CFTR: variants seen among roughly 807,000 people sequenced by gnomAD.
CFTR encodes the protein CF transmembrane conductance regulator.
In CFTR, 181 loss-of-function variants were observed where a neutral mutation model predicts 171.6. The observed-to-expected ratio is 1.05, with a 90% CI of 0.93 to 1.19. CFTR has a LOEUF of 1.19. Among genes scored for constraint, CFTR ranks in the 50% most tolerant of loss-of-function variants. The pLI is 0.00. For synonymous variants in CFTR, 583 were observed against 608.0 expected (o/e 0.96, Z 0.60); for missense variants, 1,968 against 1,734.7 (o/e 1.13, Z -2.39).
intron 10 of CFTR, among the ~76,000 whole-genome samples, chr7:117,550,659 CA>C (rs1301344807): frequency 4.1e-4 from 63 of 152,248 alleles, no homozygotes; most frequent in African/African-American, 1.5e-3. Context: ...CGTATGTCTT[CA>C]AGATCAATTC....
chr7:117,664,908 C>A lies in CFTR; in HGVS notation c.4136+48C>A, dbSNP rs372400240. ...CTTAATAGCACAGTGGGAACAGAAT[C>A]ATTATGCCTGCTTCATGGTGACACA... is the stretch of plus-strand genomic sequence containing the variant. On this transcript the variant is annotated intron_variant, in intron 25 of 26. Coordinates refer to ENST00000003084, the MANE Select transcript of CFTR (RefSeq NM_000492.4). 10 of 1,570,386 alleles carry A rather than the reference C, an allele frequency of 6.4e-6. No homozygotes were observed. The African/African-American group carries it at 1.2e-4, about 19-fold the overall frequency.
Position 117,530,818 on chromosome 7 carries a change from GA to G in CFTR, c.274-77del, listed in dbSNP as rs1798846671. 3.2e-6 allele frequency: 3 copies of G among 947,936 alleles called. No individual in the cohort carries two copies. The East Asian group carries it at 7.6e-5, about 24-fold the overall frequency. 58.7% of individuals were successfully genotyped at this position (947,936 alleles called of 1,614,324 possible). A position where few individuals can be genotyped will look rare whatever the true frequency, so the allele number is the denominator to read the frequency against. On this transcript the variant is annotated intron_variant, in intron 3 of 26. Coordinates refer to ENST00000003084, the MANE Select transcript of CFTR (RefSeq NM_000492.4). ...CTCATTTTAAGTCTCCTCTAAAGAT[GA>G]AAAGTCTTGTGTTGAAATTCTCAGG...
chr7:117,542,151 T>G (rs182952371), intron 9 of CFTR, 43 bp downstream of exon 9: 25 of 915,160 alleles, frequency 2.7e-5, no homozygotes, highest in Non-Finnish European at 4.6e-5. Flanking sequence ...CACCTAACTG[T>G]TTTCTTCTTT....
intron 7 of CFTR, among the ~76,000 whole-genome samples, chr7:117,537,837 G>A (rs1468339312): frequency 1.3e-5 from 2 of 152,072 alleles, no homozygotes; most frequent in Non-Finnish European, 2.9e-5. Flanking sequence ...ATTAACAAGT[G>A]AGTGCTCCAT....
At chr7:117,593,315 T>TA (rs1792065805) in intron 14 of CFTR, among the ~76,000 whole-genome samples, 1 of 152,202 alleles carries the variant, frequency 6.6e-6, no homozygotes, top group Non-Finnish European at 1.5e-5. Context: ...GGAAATAATA[T>TA]AAAAAGGAGA....
rs185674769 is a variant in CFTR, at chr7:117,576,988, G to A, written c.1585-10751G>A. Among the ~76,000 whole-genome samples, 469 of 152,176 alleles carry A rather than the reference G, an allele frequency of 3.1e-3. 3 individuals carry two copies. The highest frequency in any genetic ancestry group is 7.3e-3 in the South Asian group (35 of 4,826). ...CTTTGAGAAGCTCACAGTCTTCGAA[G>A]GTAGAGATATGTGAACAGATAAGAA... On this transcript the variant is annotated intron_variant, in intron 11 of 26. Coordinates refer to ENST00000003084, the MANE Select transcript of CFTR (RefSeq NM_000492.4).
rs1584824142 is a variant in CFTR at position 117,614,596 on chromosome 7, C to T, written c.3368-17C>T. ...GAAATAACATGAGGTTCATTTACGTCTTTTGTGCATCTATAGGAGAAGGAG... is the reference window on the plus strand; with the variant it reads ...GAAATAACATGAGGTTCATTTACGTTTTTTGTGCATCTATAGGAGAAGGAG... On this transcript the variant is annotated splice_polypyrimidine_tract_variant and intron_variant, in intron 20 of 26. Coordinates refer to ENST00000003084, the MANE Select transcript of CFTR (RefSeq NM_000492.4). The T allele has an allele frequency of 3.3e-6, 5 of 1,532,338 alleles. No individual in the cohort carries two copies. Among genetic ancestry groups the T allele is most frequent in the African/African-American group, 2.7e-5 (2 of 73,266 alleles). 94.9% of individuals were successfully genotyped at this position (1,532,338 alleles called of 1,614,324 possible). A position where few individuals can be genotyped will look rare whatever the true frequency, so the allele number is the denominator to read the frequency against.
chr7:117,488,509 A>T (rs1421703203), intron 1 of CFTR, among the ~76,000 whole-genome samples: 1 of 152,096 alleles, frequency 6.6e-6, no homozygotes, highest in Non-Finnish European at 1.5e-5. Context: ...TGACCATTTC[A>T]TTGCCTCTTT....
intron 20 of CFTR, among the ~76,000 whole-genome samples, chr7:117,614,169 C>G (rs1792447698): frequency 1.3e-5 from 2 of 151,994 alleles, no homozygotes; most frequent in South Asian, 4.2e-4. Flanking sequence ...ACCTAAACAT[C>G]TTGCAGATGC....
Position 117,592,167 on chromosome 7 carries a change from A to G in CFTR, c.2000A>G (p.His667Arg), listed in dbSNP as rs1792037082. 1 of 1,613,800 alleles carries G rather than the reference A, an allele frequency of 6.2e-7. No homozygotes were observed. The highest frequency in any genetic ancestry group is 1.1e-5 in the South Asian group (1 of 91,078). The part of the protein sequence containing the change: ...RRNSILTETL[H>R]RFSLEGDAPV... Reference sequence around the variant, plus strand: ...AATTCAATCCTAACTGAGACCTTACACCGTTTCTCATTAGAAGGAGATGCT... The same window carrying G: ...AATTCAATCCTAACTGAGACCTTACGCCGTTTCTCATTAGAAGGAGATGCT... The change falls in exon 14 of 27, where the codon CAC becomes CGC. Residue 667 changes from histidine to arginine, a missense_variant. Physicochemically the swap from His to Arg is conservative, Grantham distance 29. Coordinates refer to ENST00000003084, the MANE Select transcript of CFTR (RefSeq NM_000492.4).
intron 9 of CFTR, among the ~76,000 whole-genome samples, chr7:117,546,835 A>G (rs990054986): frequency 9.9e-5 from 15 of 152,148 alleles, no homozygotes; most frequent in African/African-American, 3.4e-4. Context: ...ATCTTCCTGG[A>G]ACACCTATAA....
intron 24 of CFTR, among the ~76,000 whole-genome samples, chr7:117,663,957 A>T (rs183535992): frequency 3.1e-4 from 47 of 151,044 alleles, no homozygotes; most frequent in African/African-American, 1.1e-3. Flanking sequence ...GTCTAGCTTT[A>T]AAAAAAAAGC....
chr7:117,585,730 T>G (rs549185639), intron 11 of CFTR, among the ~76,000 whole-genome samples: 1 of 152,234 alleles, frequency 6.6e-6, no homozygotes, highest in East Asian at 1.9e-4. Context: ...TAGCCTCGAA[T>G]TCCTGGGTTC....
intron 11 of CFTR, among the ~76,000 whole-genome samples, chr7:117,562,643 G>A (rs1400854330): frequency 1.3e-5 from 2 of 152,150 alleles, no homozygotes; most frequent in Non-Finnish European, 2.9e-5. Flanking sequence ...AGCATGGTGG[G>A]TATGAAATGA....
chr7:117,554,310 A>G (rs1799316492), intron 10 of CFTR, among the ~76,000 whole-genome samples: 1 of 152,186 alleles, frequency 6.6e-6, no homozygotes, highest in South Asian at 2.1e-4. Flanking sequence ...GGAAGATCCA[A>G]TAGGATTAAT....
intron 21 of CFTR, among the ~76,000 whole-genome samples, chr7:117,620,755 T>A (rs955155216): frequency 1.3e-5 from 2 of 152,142 alleles, no homozygotes; most frequent in East Asian, 1.9e-4. Flanking sequence ...ATTTTTGCAA[T>A]GAAGGAATGG....
In CFTR at chr7:117,540,103, A is replaced by C. The variant is rs1315327386; in HGVS notation, c.873A>C (p.Thr291=). Residue 291 remains threonine, a synonymous_variant, in exon 8 of 27, where the codon ACA becomes ACC. Coordinates refer to ENST00000003084, the MANE Select transcript of CFTR (RefSeq NM_000492.4). ...MEKMIENLRQ[T]ELKLTRKAAY... Reference sequence around the variant, plus strand: ...TTATTGTTATTGTTTTTTATAGAACAGAACTGAAACTGACTCGGAAGGCAG... The same window carrying C: ...TTATTGTTATTGTTTTTTATAGAACCGAACTGAAACTGACTCGGAAGGCAG... The C allele has an allele frequency of 6.2e-7, 1 of 1,612,166 alleles. No individual in the cohort carries two copies.
At chr7:117,620,771 A>G (rs1792562686) in intron 21 of CFTR, among the ~76,000 whole-genome samples, 1 of 152,222 alleles carries the variant, frequency 6.6e-6, no homozygotes. Flanking sequence ...AATGGATTAG[A>G]TCACAAGTTC....
intron 22 of CFTR, among the ~76,000 whole-genome samples, chr7:117,631,861 A>C (rs1165700809): frequency 6.6e-6 from 1 of 152,180 alleles, no homozygotes; most frequent in African/African-American, 2.4e-5. Context: ...AGTCAGAAGC[A>C]CAGATGACAA....
Sources: gnomAD v4.1 joint callset for allele counts (sites outside exome capture counted in the v4.1 genomes callset) on GRCh38, gnomAD v4.1.1 for gene constraint, MANE v1.5 for transcripts, NCBI Gene and HGNC (gene_info 2026-07-23, HGNC 2026-07-21) for gene names.